The following AS3MT variants were observed in gnomAD, a reference collection of about 807,000 sequenced individuals.
The protein encoded by AS3MT is arsenite methyltransferase, also known as S-adenosyl-L-methionine:arsenic(III) methyltransferase.
Under a neutral mutation model 45.3 loss-of-function variants are expected in AS3MT, and 47 were observed. The observed-to-expected ratio is 1.04, with a 90% CI of 0.82 to 1.32. The LOEUF (loss-of-function observed/expected upper bound fraction) is 1.32, where lower values mean the gene tolerates loss of function less well. Among genes scored for constraint, AS3MT ranks in the 40% most tolerant of loss-of-function variants. AS3MT has a pLI of 0.00. For synonymous variants in AS3MT, 141 were observed against 152.8 expected (o/e 0.92, Z 0.57); for missense variants, 396 against 451.1 (o/e 0.88, Z 1.11).
rs906650985 is a variant in AS3MT at position 102,874,579 on chromosome 10, T to C, written c.459-13T>C. On this transcript the variant is annotated splice_polypyrimidine_tract_variant and intron_variant, in intron 5 of 10. Transcript: ENST00000369880. ...GTGAAGATTTGCTCGACATTTCATC[T>C]GTTCTCTTTTAGATCAAACTGTGTT... 2 of 1,578,298 alleles carry C rather than the reference T, an allele frequency of 1.3e-6. No homozygotes were observed. The highest frequency in any genetic ancestry group is 3.4e-5 in the Admixed American group (2 of 58,124).
chr10:102,872,421 A>G, intron 3 of AS3MT, 27 bp from the exon 4 acceptor site: 2 of 1,612,096 alleles, frequency 1.2e-6, no homozygotes, highest in East Asian at 2.2e-5. Context: ...GTCTCCAGGG[A>G]AAAAATATGT....
Position 102,900,596 on chromosome 10 carries a change from A to G in AS3MT, c.1024A>G (p.Ile342Val). Residue 342 changes from isoleucine (I) to valine (V), a missense_variant, in exon 11 of 11, where the codon ATA (isoleucine) becomes GTA (valine). Physicochemically the swap from Ile to Val is conservative, Grantham distance 29 (BLOSUM62 3). Transcript: ENST00000369880. ...GGCSALELKD[I>V]ITDPFKLAEE... is the part of the protein sequence containing the mutation. ...ATTTTGGTTTGCCTTTTGACAGGAT[A>G]TAATCACAGATCCATTTAAGCTTGC... is the stretch of plus-strand genomic sequence containing the variant. 6.2e-7 allele frequency: 1 copy of G among 1,612,898 alleles called. No individual in the cohort carries two copies. The highest frequency in any genetic ancestry group is 8.5e-7 in the Non-Finnish European group (1 of 1,178,858).
chr10:102,890,959 T>G (rs1297017687), intron 10 of AS3MT, among the ~76,000 whole-genome samples: 2 of 152,174 alleles, frequency 1.3e-5, no homozygotes, highest in African/African-American at 4.8e-5. Flanking sequence ...GTAACCCACC[T>G]GCCTCAGTCT....
At chr10:102,874,332 T>A (rs1844747056) in intron 5 of AS3MT, among the ~76,000 whole-genome samples, 1 of 152,166 alleles carries the variant, frequency 6.6e-6, no homozygotes, top group Non-Finnish European at 1.5e-5. Context: ...ATGGTGAACA[T>A]CAGGACAGAA....
intron 4 of AS3MT, among the ~76,000 whole-genome samples, chr10:102,872,829 G>T (rs149960556): frequency 1.8e-4 from 28 of 152,238 alleles, no homozygotes; most frequent in African/African-American, 6.7e-4. Flanking sequence ...ATATCGTGAC[G>T]ATAGAGTGGA....
In AS3MT at chr10:102,873,898, CA is replaced by C. The variant is rs373151954; in HGVS notation, c.458+668del. Among the ~76,000 whole-genome samples the C allele has an allele frequency of 1.5e-4, 23 of 152,216 alleles. No homozygotes were observed. The East Asian group carries it at 4.1e-3, about 27-fold the overall frequency. On this transcript the variant is annotated intron_variant, in intron 5 of 10. Transcript: ENST00000369880. ...CTTTTTTCCCTCAAGTTGTTATTGT[CA>C]AATCATGCCCAAGTGACAGCTGCCT...
At chr10:102,877,748 CTTTTT>C (rs751685577) in intron 7 of AS3MT, among the ~76,000 whole-genome samples, 16 of 105,232 alleles carry the variant, frequency 1.5e-4, no homozygotes, top group Admixed American at 1.1e-3. Context: ...GTGATAACTT[CTTTTT>C]TTTTTTTTTT....
At chr10:102,882,033 G>A (rs1307884454) in intron 9 of AS3MT, among the ~76,000 whole-genome samples, 8 of 151,192 alleles carry the variant, frequency 5.3e-5, no homozygotes, top group Admixed American at 3.3e-4. Context: ...TCCACCTCCC[G>A]GGTTCACGCC....
In AS3MT at chr10:102,889,614, GCCTTCCTT is replaced by G. The variant is rs1554884643; in HGVS notation, c.886-905_886-898del. On this transcript the variant is annotated intron_variant, in intron 9 of 10. Transcript: ENST00000369880. ...CTTCCCTTCCCCTGCCTGTCTGCCT[GCCTTCCTT>G]CCTTCCTTCCTTCCTTCCTTCCTTT... is the stretch of plus-strand genomic sequence containing the variant. Among the ~76,000 whole-genome samples, 25 of 114,046 alleles carry G rather than the reference GCCTTCCTT, an allele frequency of 2.2e-4. No individual in the cohort carries two copies. The East Asian group carries it at 5.8e-3, about 27-fold the overall frequency. The allele number at this position is 114,046 out of a possible 152,430, so 74.8% of individuals were successfully genotyped here. A position where few individuals can be genotyped will look rare whatever the true frequency, so the allele number is the denominator to read the frequency against.
intron 7 of AS3MT, among the ~76,000 whole-genome samples, 180 bp downstream of exon 7, chr10:102,877,215 TTTGAG>T (rs1170787086): frequency 1.3e-5 from 2 of 152,278 alleles, no homozygotes; most frequent in African/African-American, 4.8e-5. Flanking sequence ...AATTCATCTC[TTTGAG>T]TTATCGTTTT....
chr10:102,888,638 C>T (rs1165164932), intron 9 of AS3MT, among the ~76,000 whole-genome samples: 1 of 151,766 alleles, frequency 6.6e-6, no homozygotes, highest in African/African-American at 2.4e-5. Flanking sequence ...TCAGGCTGGT[C>T]TCGAACTCCT....
intron 10 of AS3MT, among the ~76,000 whole-genome samples, chr10:102,894,254 T>C (rs1243105454): frequency 6.6e-6 from 1 of 151,180 alleles, no homozygotes; most frequent in East Asian, 2.0e-4. Flanking sequence ...TGAAACCCCG[T>C]CTCTACTAAA....
chr10:102,875,091 G>C (rs1844761442), intron 6 of AS3MT, among the ~76,000 whole-genome samples: 1 of 152,166 alleles, frequency 6.6e-6, no homozygotes, highest in Non-Finnish European at 1.5e-5. Context: ...TACAGAAGAT[G>C]GAACTTTTAC....
chr10:102,870,321 C>T, intron 3 of AS3MT, 110 bp downstream of exon 3: 1 of 1,363,372 alleles, frequency 7.3e-7, no homozygotes, highest in Non-Finnish European at 1.0e-6. Context: ...CATCAGCTTG[C>T]CTTGTCTATT....
intron 3 of AS3MT, among the ~76,000 whole-genome samples, chr10:102,871,906 G>A (rs12767543): frequency 0.25 from 37,271 of 151,182 alleles, 4,792 homozygotes; most frequent in East Asian, 0.42. Context: ...TTTTTGAGAC[G>A]GAGTCTCACT....
chr10:102,895,593 T>C (rs74233296), intron 10 of AS3MT, among the ~76,000 whole-genome samples: 14,596 of 152,198 alleles, frequency 0.096, 895 homozygotes, highest in East Asian at 0.28. Context: ...ATTGGTCTCT[T>C]AAATCATGTG....
intron 9 of AS3MT, chr10:102,887,905 CTT>C (rs1413810182): frequency 2.0e-5 from 3 of 153,558 alleles, no homozygotes; most frequent in Non-Finnish European, 2.9e-5. Flanking sequence ...CATAATAACT[CTT>C]TTTGCTGTTA....
At chr10:102,869,742 C>G in intron 1 of AS3MT, 63 bp from the exon 2 acceptor site, 11 of 1,612,720 alleles carry the variant, frequency 6.8e-6, no homozygotes, top group Non-Finnish European at 8.5e-6. Context: ...CTTTACTGGC[C>G]CCCTCCCTCA....
chr10:102,900,510 C>A, intron 10 of AS3MT, 83 bp from the exon 11 acceptor site: 1 of 987,696 alleles, frequency 1.0e-6, no homozygotes, highest in Non-Finnish European at 1.6e-6. Flanking sequence ...TGTAAGTCAA[C>A]CTAAATCAAA....
Sources: allele counts gnomAD v4.1 joint callset (sites outside exome capture counted in the v4.1 genomes callset), GRCh38; gene constraint gnomAD v4.1.1; transcripts MANE v1.5; gene names NCBI Gene and HGNC (gene_info 2026-07-23, HGNC 2026-07-21).